Variants in ANTXRL observed in about 807,000 individuals in gnomAD.
ANTXRL encodes the protein ANTXR like, also known as anthrax toxin receptor-like.
A neutral mutation model predicts 75.4 loss-of-function variants in ANTXRL; 63 were observed. That is an observed-to-expected ratio of 0.84 (90% confidence interval 0.68 to 1.03). ANTXRL has a LOEUF of 1.03. Among genes scored for constraint, ANTXRL ranks in the 50% least tolerant of loss-of-function variants. The pLI is 0.00. For missense variants in ANTXRL, 797 were observed against 789.4 expected (o/e 1.01, Z -0.12); for synonymous variants, 335 against 291.3 (o/e 1.15, Z -1.53).
At chr10:46,304,311 C>T (rs1403369670) in intron 10 of ANTXRL, among the ~76,000 whole-genome samples, 2 of 152,086 alleles carry the variant, frequency 1.3e-5, no homozygotes, top group South Asian at 2.1e-4. Flanking sequence ...TATTCAGGAA[C>T]GGTGCCCGGC....
At chr10:46,312,086 G>T (rs1384740632) in intron 15 of ANTXRL, among the ~76,000 whole-genome samples, 2 of 146,792 alleles carry the variant, frequency 1.4e-5, no homozygotes, top group East Asian at 3.9e-4. Context: ...AAAAAAAATA[G>T]AAATGACCAG....
chr10:46,309,314 C>T lies in ANTXRL; in HGVS notation c.1134+112C>T. 6.0e-6 allele frequency: 9 copies of T among 1,510,004 alleles called. No individual in the cohort carries two copies. In the South Asian group the frequency reaches 1.1e-4, roughly 19 times the overall value. 93.5% of individuals were successfully genotyped at this position (1,510,004 alleles called of 1,614,324 possible). A position where few individuals can be genotyped will look rare whatever the true frequency, so the allele number is the denominator to read the frequency against. On this transcript the variant is annotated intron_variant, in intron 13 of 16. Transcript: ENST00000620264. Reference sequence around the variant, plus strand: ...CCCGCCTGTGGGAAGTTTCCCTCAGCTCCCAGCTCATCACGTGAGCCCAGG... The same window carrying T: ...CCCGCCTGTGGGAAGTTTCCCTCAGTTCCCAGCTCATCACGTGAGCCCAGG...
intron 10 of ANTXRL, among the ~76,000 whole-genome samples, chr10:46,303,426 G>A (rs1346778488): frequency 6.6e-6 from 1 of 152,174 alleles, no homozygotes; most frequent in Non-Finnish European, 1.5e-5. Context: ...TGAAATGCTT[G>A]GGACCACAGA....
chr10:46,297,115 G>A (rs1210990429), intron 5 of ANTXRL, 137 bp from the exon 6 acceptor site: 5 of 705,934 alleles, frequency 7.1e-6, no homozygotes, highest in Admixed American at 2.5e-5. Flanking sequence ...CTCTCCTCTG[G>A]AGGATGAGGT....
At chr10:46,324,363 C>T (rs1295550187) in intron 16 of ANTXRL, among the ~76,000 whole-genome samples, 12 of 152,132 alleles carry the variant, frequency 7.9e-5, no homozygotes, top group African/African-American at 2.9e-4. Flanking sequence ...TACCATGAAC[C>T]ACTTTAAATC....
intron 15 of ANTXRL, 71 bp from the exon 16 acceptor site, chr10:46,313,164 TG>T (rs1335040617): frequency 7.6e-7 from 1 of 1,309,220 alleles, no homozygotes; most frequent in Non-Finnish European, 1.1e-6. Context: ...TGTGGGGGGC[TG>T]GGGAGTCCTG....
Position 46,306,900 on chromosome 10 carries a change from G to A in ANTXRL, c.965+28G>A, listed in dbSNP as rs1319030565. 4.7e-6 allele frequency: 7 copies of A among 1,504,730 alleles called. No homozygotes were observed. In the Admixed American group the frequency reaches 1.5e-4, roughly 33 times the overall value. The allele number at this position is 1,504,730 out of a possible 1,614,324, so 93.2% of individuals were successfully genotyped here. On this transcript the variant is annotated intron_variant, in intron 11 of 16. Coordinates refer to ENST00000620264, the MANE Select transcript of ANTXRL (RefSeq NM_001278688.3). ...AAGTGCCCCTGGCAGGAGGCTAGAG[G>A]GCAAGAGACCAGGGAGTCAGGGTTG...
chr10:46,310,025 T>C (rs1838328865), intron 13 of ANTXRL, among the ~76,000 whole-genome samples: 1 of 152,066 alleles, frequency 6.6e-6, no homozygotes, highest in African/African-American at 2.4e-5. Context: ...AGGGCTCATG[T>C]CTGCATAGGG....
At chr10:46,291,184 C>T (rs1161482022) in intron 1 of ANTXRL, among the ~76,000 whole-genome samples, 1 of 152,142 alleles carries the variant, frequency 6.6e-6, no homozygotes, top group Non-Finnish European at 1.5e-5. Context: ...CTTGAAACTA[C>T]TGTTCTTTCC....
At position 46,287,528 on chromosome 10, in the gene ANTXRL, C is replaced by T; in HGVS notation, c.248+18C>T. 1 of 1,530,240 alleles carries T rather than the reference C, an allele frequency of 6.5e-7. No homozygotes were observed. Among genetic ancestry groups the T allele is most frequent in the South Asian group, 1.2e-5 (1 of 83,382 alleles). 94.8% of individuals were successfully genotyped at this position (1,530,240 alleles called of 1,614,324 possible). On this transcript the variant is annotated intron_variant, in intron 1 of 16. Transcript: ENST00000620264. Reference sequence around the variant, plus strand: ...TTGGACAAGTGAGTGTCCCTTCTAGCTCTGGCCCTGGGTCACCCTCAGGAG... The same window carrying T: ...TTGGACAAGTGAGTGTCCCTTCTAGTTCTGGCCCTGGGTCACCCTCAGGAG...
Position 46,330,063 on chromosome 10 carries a change from C to T in ANTXRL, c.1875C>T (p.Pro625=). The change falls in exon 17 of 17, where the codon CCC becomes CCT. Residue 625 remains proline, a synonymous_variant. Coordinates refer to ENST00000620264, the MANE Select transcript of ANTXRL (RefSeq NM_001278688.3). ...RHTAEPPLSL[P]PSEPNF ...CGGCAGAACCCCCTTTGTCACTCCCCCCCTCAGAGCCCAACTTCTAAGGCA... is the reference window on the plus strand; with the variant it reads ...CGGCAGAACCCCCTTTGTCACTCCCTCCCTCAGAGCCCAACTTCTAAGGCA... 3.3e-6 allele frequency: 5 copies of T among 1,520,228 alleles called. No homozygotes were observed. The highest frequency in any genetic ancestry group is 1.2e-5 in the South Asian group (1 of 81,876). 94.2% of individuals were successfully genotyped at this position (1,520,228 alleles called of 1,614,324 possible).
At chr10:46,315,779 AT>A (rs1446742423) in intron 16 of ANTXRL, among the ~76,000 whole-genome samples, 8 of 152,292 alleles carry the variant, frequency 5.3e-5, no homozygotes, top group Non-Finnish European at 1.0e-4. Context: ...AAATCCAAAC[AT>A]TTTTGCATTT....
intron 10 of ANTXRL, among the ~76,000 whole-genome samples, chr10:46,306,438 G>A (rs1270980931): frequency 2.6e-5 from 4 of 152,152 alleles, no homozygotes; most frequent in Admixed American, 1.3e-4. Context: ...GAGAAGTCAT[G>A]CATAATGAAG....
intron 1 of ANTXRL, among the ~76,000 whole-genome samples, chr10:46,291,288 A>G (rs558989932): frequency 1.3e-5 from 2 of 152,252 alleles, no homozygotes; most frequent in African/African-American, 2.4e-5. Flanking sequence ...ATTGCTCTAC[A>G]TGTCAGTCCT....
rs1554955540 is a variant in ANTXRL at position 46,287,443 on chromosome 10, C to A, written c.181C>A (p.His61Asn). 2 of 1,535,876 alleles carry A rather than the reference C, an allele frequency of 1.3e-6. No homozygotes were observed. The highest frequency in any genetic ancestry group is 1.7e-6 in the Non-Finnish European group (2 of 1,146,740). ...HHHHGPGWRQ[H>N]WRQGQAGHRC... ...CCACCATGGCCCAGGATGGAGGCAG[C>A]ACTGGCGCCAGGGGCAAGCAGGTCA... is the stretch of plus-strand genomic sequence containing the variant. The change falls in exon 1 of 17, where the codon CAC becomes AAC. Residue 61 changes from histidine to asparagine, a missense_variant. By Grantham distance (68) the His-to-Asn change is moderately conservative. Around this residue, in one of 3 missense-constraint regions of ANTXRL, gnomAD observed 262 missense variants for 271.9 expected, o/e 0.96. Coordinates refer to ENST00000620264, the MANE Select transcript of ANTXRL (RefSeq NM_001278688.3).
intron 2 of ANTXRL, among the ~76,000 whole-genome samples, chr10:46,293,329 A>G (rs1194879200): frequency 1.3e-4 from 9 of 70,452 alleles, no homozygotes; most frequent in Non-Finnish European, 1.7e-4. Context: ...CCTGTGTGTG[A>G]GTGTGTGCGT....
At chr10:46,310,822 C>T (rs375857536) in intron 14 of ANTXRL, among the ~76,000 whole-genome samples, 3 of 152,148 alleles carry the variant, frequency 2.0e-5, no homozygotes, top group East Asian at 3.9e-4. Context: ...CAGAGGCGCT[C>T]TGGAAAAGGA....
intron 16 of ANTXRL, 138 bp downstream of exon 16, chr10:46,313,454 T>C (rs1456367860): frequency 4.5e-6 from 4 of 886,856 alleles, no homozygotes; most frequent in South Asian, 4.4e-5. Context: ...ACAGAAACGG[T>C]GCCCATGGGC....
intron 13 of ANTXRL, 100 bp downstream of exon 13, chr10:46,309,302 A>G: frequency 6.6e-7 from 1 of 1,519,888 alleles, no homozygotes; most frequent in Non-Finnish European, 8.8e-7. Context: ...GCCTGTGGGA[A>G]GTTTCCCTCA....
Sources: gnomAD v4.1 joint callset for allele counts (sites outside exome capture counted in the v4.1 genomes callset) on GRCh38, gnomAD v4.1.1 for gene constraint, gnomAD v4.1.1 regional missense constraint, MANE v1.5 for transcripts, NCBI Gene and HGNC (gene_info 2026-07-23, HGNC 2026-07-21) for gene names.